BICRAL: variants seen among roughly 807,000 people sequenced by gnomAD.
The protein encoded by BICRAL is BICRA like chromatin remodeling complex associated protein.
In BICRAL, 8 loss-of-function variants were observed where a neutral mutation model predicts 91.8. That is an observed-to-expected ratio of 0.09 (90% CI 0.05 to 0.16). The LOEUF (loss-of-function observed/expected upper bound fraction) is 0.16, where lower values mean the gene tolerates loss of function less well. Ranked by LOEUF, BICRAL falls within the 10% of genes least tolerant of loss-of-function variation. BICRAL has a pLI of 1.00. For missense variants in BICRAL, 1,038 were observed against 1,310.9 expected, an observed-to-expected ratio of 0.79 and a Z score of 3.21; for synonymous variants, 445 against 491.1, an observed-to-expected ratio of 0.91 and a Z score of 1.24.
intron 2 of BICRAL, among the ~76,000 whole-genome samples, chr6:42,815,214 G>A (rs1414771417): frequency 1.4e-5 from 2 of 139,316 alleles, no homozygotes; most frequent in Non-Finnish European, 3.1e-5. Context: ...TTTTGAGATG[G>A]AGTCTCGCTC....
intron 1 of BICRAL, among the ~76,000 whole-genome samples, chr6:42,776,201 T>C (rs1171516682): frequency 6.6e-6 from 1 of 151,828 alleles, no homozygotes; most frequent in Non-Finnish European, 1.5e-5. Flanking sequence ...CTTGTATTTT[T>C]AGTAGAGATG....
At chr6:42,758,475 G>A (rs1400747294) in intron 1 of BICRAL, among the ~76,000 whole-genome samples, 1 of 152,196 alleles carries the variant, frequency 6.6e-6, no homozygotes, top group Non-Finnish European at 1.5e-5. Context: ...TATTCGTGCT[G>A]CACTTTTTAA....
intron 1 of BICRAL, among the ~76,000 whole-genome samples, chr6:42,795,140 C>T (rs768924987): frequency 1.3e-4 from 20 of 152,058 alleles, no homozygotes; most frequent in Non-Finnish European, 2.1e-4. Context: ...GATTTAAAAA[C>T]GTGACAAAAA....
chr6:42,794,073 G>T (rs893288074), intron 1 of BICRAL, among the ~76,000 whole-genome samples: 1 of 151,252 alleles, frequency 6.6e-6, no homozygotes, highest in Non-Finnish European at 1.5e-5. Flanking sequence ...TGAGACAGGG[G>T]CTCGCTGTGT....
chr6:42,783,316 C>G (rs1762990765), intron 1 of BICRAL, among the ~76,000 whole-genome samples: 1 of 152,094 alleles, frequency 6.6e-6, no homozygotes, highest in Non-Finnish European at 1.5e-5. Context: ...CCGCGCTGTT[C>G]GCCGCGCCGG....
chr6:42,802,796 G>T (rs954431990), intron 1 of BICRAL, among the ~76,000 whole-genome samples: 1 of 151,790 alleles, frequency 6.6e-6, no homozygotes, highest in Non-Finnish European at 1.5e-5. Flanking sequence ...GCCCAGACTG[G>T]TCTTGAACTC....
In BICRAL at chr6:42,805,026, T is replaced by C. The variant is rs1233593775; in HGVS notation, c.-101-5280T>C. Among the ~76,000 whole-genome samples the C allele has an allele frequency of 3.3e-5, 5 of 152,132 alleles. No homozygotes were observed. The East Asian group carries it at 9.6e-4, about 29-fold the overall frequency. ...CTGCACCCTGCTTTAATTGGGAACA[T>C]AAGATAAGCATAATGAAGATAATCG... is the stretch of plus-strand genomic sequence containing the variant. On this transcript the variant is annotated intron_variant, in intron 1 of 12. Transcript: ENST00000314073.
At chr6:42,771,502 TG>T (rs1370736239) in intron 1 of BICRAL, among the ~76,000 whole-genome samples, 2 of 50,904 alleles carry the variant, frequency 3.9e-5, no homozygotes, top group Non-Finnish European at 8.2e-5. Flanking sequence ...CGGGGGGTGG[TG>T]GGGGGGTCCT....
intron 8 of BICRAL, 79 bp downstream of exon 8, chr6:42,853,817 G>A: frequency 9.2e-7 from 1 of 1,081,460 alleles, no homozygotes. Context: ...CTTTGTGGTT[G>A]CTGGCTAGCT....
Position 42,856,926 on chromosome 6 carries a change from G to T in BICRAL, c.2109-165G>T, listed in dbSNP as rs952699616. ...GGTCATAGTTTGAGTCCTCTGTGGG[G>T]CTAGTTAAACTAAGTTATAAACCCA... On this transcript the variant is annotated intron_variant, in intron 9 of 12. Transcript: ENST00000314073. Among the ~76,000 whole-genome samples the T allele has an allele frequency of 2.6e-5, 4 of 152,078 alleles. No individual in the cohort carries two copies. In the East Asian group the frequency reaches 7.7e-4, roughly 29 times the overall value.
chr6:42,785,667 T>G (rs1052793358), intron 1 of BICRAL, among the ~76,000 whole-genome samples: 3 of 152,062 alleles, frequency 2.0e-5, no homozygotes, highest in Non-Finnish European at 4.4e-5. Context: ...AAAGAAAAGG[T>G]TGTTTCCTGA....
chr6:42,767,026 T>A (rs1431176284), intron 1 of BICRAL, among the ~76,000 whole-genome samples: 3 of 140,628 alleles, frequency 2.1e-5, no homozygotes, highest in Non-Finnish European at 4.6e-5. Context: ...GGCAACAGAG[T>A]GAGACTCCAT....
upstream of BICRAL, chr6:42,781,906 G>C (rs1346901120): frequency 9.1e-6 from 1 of 109,914 alleles, no homozygotes; most frequent in African/African-American, 3.4e-5. Flanking sequence ...CATGAAGGCC[G>C]GGCGGGCGCG....
intron 6 of BICRAL, among the ~76,000 whole-genome samples, chr6:42,833,516 C>T (rs756561810): frequency 1.8e-4 from 27 of 151,974 alleles, no homozygotes; most frequent in Admixed American, 2.6e-4. Context: ...GGTACGATCT[C>T]GGCTCACTGC....
At chr6:42,773,290 G>T (rs907524213) in intron 1 of BICRAL, among the ~76,000 whole-genome samples, 1 of 151,750 alleles carries the variant, frequency 6.6e-6, no homozygotes, top group Non-Finnish European at 1.5e-5. Context: ...TTTGGCCAGG[G>T]TGGTCTTGAA....
At position 42,822,996 on chromosome 6, in the gene BICRAL, A is replaced by C; in HGVS notation, c.152A>C (p.Asn51Thr). The change falls in exon 5 of 13, where the codon AAC becomes ACC. Residue 51 changes from asparagine (N) to threonine (T), a missense_variant. Around this residue, in one of 5 missense-constraint regions of BICRAL, gnomAD observed 115 missense variants for 121.5 expected, o/e 0.95. Transcript: ENST00000314073. Reference sequence around the variant, plus strand: ...GCCAATTCAAATTCAATTTTCGCCAACTCTAGTGTGAGTATTGGAAACTAA... The same window carrying C: ...GCCAATTCAAATTCAATTTTCGCCACCTCTAGTGTGAGTATTGGAAACTAA... The part of the protein sequence containing the change: ...SAANSNSIFA[N>T]SSNADPKSSL... 5 of 1,597,422 alleles carry C rather than the reference A, an allele frequency of 3.1e-6. No individual in the cohort carries two copies. The highest frequency in any genetic ancestry group is 4.3e-6 in the Non-Finnish European group (5 of 1,165,046).
At chr6:42,748,441 G>C (rs1421453636) in intron 1 of BICRAL, among the ~76,000 whole-genome samples, 13 of 152,198 alleles carry the variant, frequency 8.5e-5, no homozygotes, top group Admixed American at 8.5e-4. Flanking sequence ...GGTGTTGTAA[G>C]TGTTGGCTGT....
At chr6:42,753,025 C>T (rs1762404731) in intron 1 of BICRAL, among the ~76,000 whole-genome samples, 1 of 148,706 alleles carries the variant, frequency 6.7e-6, no homozygotes, top group African/African-American at 2.5e-5. Context: ...CTCCCAAGTT[C>T]AAGTGATTCT....
chr6:42,840,538 GC>G (rs1397064023), intron 6 of BICRAL, among the ~76,000 whole-genome samples: 2 of 147,488 alleles, frequency 1.4e-5, no homozygotes, highest in Non-Finnish European at 3.0e-5. Flanking sequence ...ACCGCACCCT[GC>G]CTGTTTTTGT....
Sources: gnomAD v4.1 joint callset for allele counts (sites outside exome capture counted in the v4.1 genomes callset) on GRCh38, gnomAD v4.1.1 for gene constraint, gnomAD v4.1.1 regional missense constraint, MANE v1.5 for transcripts, NCBI Gene and HGNC (gene_info 2026-07-23, HGNC 2026-07-21) for gene names.